The following PHKB variants were observed in gnomAD, a reference collection of about 807,000 sequenced individuals.
PHKB encodes the protein phosphorylase b kinase regulatory subunit beta.
In PHKB, 122 loss-of-function variants were observed where a neutral mutation model predicts 152.1. That is an observed-to-expected ratio of 0.80 (90% CI 0.69 to 0.93). PHKB has a LOEUF of 0.93. Among genes scored for constraint, PHKB ranks in the 40% least tolerant of loss-of-function variants. The probability of loss-of-function intolerance (pLI) is 0.00; values close to 1 mark genes in which losing one functional copy is unlikely to be tolerated. For missense variants in PHKB, 1,304 were observed against 1,328.4 expected (o/e 0.98, Z 0.29); for synonymous variants, 436 against 464.9 (o/e 0.94, Z 0.80).
At chr16:47,464,694 T>C (rs1969636712) in intron 1 of PHKB, among the ~76,000 whole-genome samples, 1 of 152,200 alleles carries the variant, frequency 6.6e-6, no homozygotes, top group Non-Finnish European at 1.5e-5. Flanking sequence ...ATGTATTCAG[T>C]GTCACTTTAC....
intron 7 of PHKB, chr16:47,566,777 C>T: frequency 1.4e-6 from 1 of 740,478 alleles, no homozygotes; most frequent in South Asian, 1.3e-5. Context: ...TTTCATGAGC[C>T]CAGCTGACTG....
intron 23 of PHKB, among the ~76,000 whole-genome samples, chr16:47,663,272 A>T (rs1223132165): frequency 6.6e-6 from 1 of 152,164 alleles, no homozygotes; most frequent in African/African-American, 2.4e-5. Flanking sequence ...GGCCTCAGTA[A>T]AGTTTTATTG....
intron 8 of PHKB, among the ~76,000 whole-genome samples, chr16:47,582,652 G>A (rs1017835343): frequency 5.3e-5 from 8 of 152,162 alleles, no homozygotes; most frequent in Admixed American, 2.6e-4. Flanking sequence ...AATCAAGGGC[G>A]AGAACAACTG....
At chr16:47,653,430 G>A (rs1973275465) in intron 20 of PHKB, among the ~76,000 whole-genome samples, 1 of 152,192 alleles carries the variant, frequency 6.6e-6, no homozygotes. Flanking sequence ...TTTGGACCCA[G>A]TCTTCCTATG....
intron 7 of PHKB, among the ~76,000 whole-genome samples, chr16:47,548,452 C>T (rs1035421109): frequency 6.6e-6 from 1 of 151,924 alleles, no homozygotes; most frequent in Non-Finnish European, 1.5e-5. Flanking sequence ...ACCAAAAATA[C>T]AAAAAGTAGC....
At chr16:47,527,423 C>A (rs1252189454) in intron 6 of PHKB, among the ~76,000 whole-genome samples, 1 of 151,862 alleles carries the variant, frequency 6.6e-6, no homozygotes, top group Non-Finnish European at 1.5e-5. Context: ...TATAAACTGA[C>A]CTCTTAAAAA....
At chr16:47,556,302 T>G (rs1850231465) in intron 7 of PHKB, among the ~76,000 whole-genome samples, 1 of 152,200 alleles carries the variant, frequency 6.6e-6, no homozygotes, top group African/African-American at 2.4e-5. Context: ...CTTTTAACAC[T>G]ATGTTGAATA....
At chr16:47,613,323 TCTTA>T (rs1056989481) in intron 14 of PHKB, among the ~76,000 whole-genome samples, 1 of 152,300 alleles carries the variant, frequency 6.6e-6, no homozygotes, top group Middle Eastern at 3.4e-3. Flanking sequence ...AATGAGATGC[TCTTA>T]CTTACTGTAG....
At chr16:47,608,333 A>G (rs1453488979) in intron 13 of PHKB, among the ~76,000 whole-genome samples, 2 of 152,168 alleles carry the variant, frequency 1.3e-5, no homozygotes, top group Non-Finnish European at 2.9e-5. Flanking sequence ...TCTTTGATCT[A>G]TTTTGAGTTG....
At chr16:47,662,576 C>T (rs1220652336) in intron 23 of PHKB, among the ~76,000 whole-genome samples, 2 of 152,146 alleles carry the variant, frequency 1.3e-5, no homozygotes, top group Non-Finnish European at 2.9e-5. Context: ...GTTATTTATT[C>T]AAATGAGATC....
At position 47,660,716 on chromosome 16, in the gene PHKB, G is replaced by A. The variant is rs759216965; in HGVS notation, c.2093G>A (p.Arg698Gln). 5 of 1,613,876 alleles carry A rather than the reference G, an allele frequency of 3.1e-6. No homozygotes were observed. The highest frequency in any genetic ancestry group is 3.4e-6 in the Non-Finnish European group (4 of 1,179,918). Residue 698 changes from arginine to glutamine, a missense_variant, in exon 22 of 31, where the codon CGG becomes CAG. Coordinates refer to ENST00000323584, the MANE Select transcript of PHKB (RefSeq NM_000293.3). The part of the protein sequence containing the change: ...LEPPKHSKVK[R>Q]QSSTPSAPEL... The stretch of plus-strand genomic sequence containing the variant: ...CCTCCCAAACATTCAAAAGTCAAAC[G>A]GCAAAGCAGCACCCCTAGTGCTCCT...
At chr16:47,600,755 A>G (rs1051905566) in intron 13 of PHKB, among the ~76,000 whole-genome samples, 10 of 152,252 alleles carry the variant, frequency 6.6e-5, no homozygotes, top group African/African-American at 2.2e-4. Flanking sequence ...AACATAGAAA[A>G]TGTTTATACG....
intron 1 of PHKB, 79 bp downstream of exon 1, chr16:47,461,505 G>GT: frequency 2.1e-6 from 3 of 1,445,640 alleles, no homozygotes; most frequent in Non-Finnish European, 2.9e-6. Context: ...CGGGAGGCAG[G>GT]TGGGGGCCCT....
chr16:47,649,212 C>T lies in PHKB; in HGVS notation c.1797+8C>T, dbSNP rs77462273. ...CTGATAGATGACATAAAGGTAGCTT[C>T]GGAACACCTTTCTTAAAAATGGAAT... On this transcript the variant is annotated splice_region_variant and intron_variant, in intron 18 of 30. Transcript: ENST00000323584. 255 of 1,381,598 alleles carry T rather than the reference C, an allele frequency of 1.8e-4. 2 individuals carry two copies. The East Asian group carries it at 4.9e-3, about 27-fold the overall frequency. 85.6% of individuals were successfully genotyped at this position (1,381,598 alleles called of 1,614,324 possible).
At position 47,610,942 on chromosome 16, in the gene PHKB, T is replaced by C. The variant is rs375490131; in HGVS notation, c.1458+22T>C. ...TCAGGTAAAGAATTATTCTATTTCT[T>C]GATTTAGACTCGTCCAGAGACATTT... is the stretch of plus-strand genomic sequence containing the variant. On this transcript the variant is annotated intron_variant, in intron 14 of 30. Coordinates refer to ENST00000323584, the MANE Select transcript of PHKB (RefSeq NM_000293.3). 93 of 1,356,864 alleles carry C rather than the reference T, an allele frequency of 6.9e-5. No individual in the cohort carries two copies. In the African/African-American group the frequency reaches 1.3e-3, roughly 19 times the overall value. 84.1% of individuals were successfully genotyped at this position (1,356,864 alleles called of 1,614,324 possible). A position where few individuals can be genotyped will look rare whatever the true frequency, so the allele number is the denominator to read the frequency against.
Position 47,664,952 on chromosome 16 carries a change from A to G in PHKB, c.2404A>G (p.Thr802Ala), listed in dbSNP as rs539385114. ...FSSSIAPHIT[T>A]FLVHGKQVTL... Reference sequence around the variant, plus strand: ...TTCCTCTATAGCCCCACACATTACTACTTTTCTGGTACATGGGAAACAGGT... The same window carrying G: ...TTCCTCTATAGCCCCACACATTACTGCTTTTCTGGTACATGGGAAACAGGT... Residue 802 changes from threonine (T) to alanine (A), a missense_variant, in exon 25 of 31, where the codon ACT becomes GCT. By Grantham distance (58) the Thr-to-Ala change is moderately conservative (BLOSUM62 0). Coordinates refer to ENST00000323584, the MANE Select transcript of PHKB (RefSeq NM_000293.3). 9 of 1,612,666 alleles carry G rather than the reference A, an allele frequency of 5.6e-6. No homozygotes were observed. The highest frequency in any genetic ancestry group is 1.3e-5 in the African/African-American group (1 of 74,980).
At position 47,517,136 on chromosome 16, in the gene PHKB, C is replaced by G. The variant is rs60110223; in HGVS notation, c.594+1535C>G. 3.3e-3 allele frequency among the ~76,000 whole-genome samples: 496 copies of G among 152,218 alleles called. 3 individuals carry two copies. The highest frequency in any genetic ancestry group is 0.011 in the African/African-American group (465 of 41,520). On this transcript the variant is annotated intron_variant, in intron 6 of 30. Transcript: ENST00000323584. ...CCACTTAGCTTCTCAATTTTTCCACCCATAATATCTCCAAAGCACTGGGAG... is the reference window on the plus strand; with the variant it reads ...CCACTTAGCTTCTCAATTTTTCCACGCATAATATCTCCAAAGCACTGGGAG...
At chr16:47,698,417 A>G (rs1447690417) in intron 29 of PHKB, 31 bp from the exon 30 acceptor site, 3 of 1,553,556 alleles carry the variant, frequency 1.9e-6, no homozygotes, top group Non-Finnish European at 2.7e-6. Context: ...TATGGTTCAT[A>G]TAGTTGGCTT....
intron 18 of PHKB, 82 bp downstream of exon 18, chr16:47,649,286 C>A: frequency 1.2e-6 from 1 of 824,974 alleles, no homozygotes. Flanking sequence ...TGAGTACTCC[C>A]AGGTATCTGT....
Sources: gnomAD v4.1 joint callset for allele counts (sites outside exome capture counted in the v4.1 genomes callset) on GRCh38, gnomAD v4.1.1 for gene constraint, MANE v1.5 for transcripts, NCBI Gene and HGNC (gene_info 2026-07-23, HGNC 2026-07-21) for gene names.